SYNE1: variants seen among roughly 807,000 people sequenced by gnomAD.
The protein encoded by SYNE1 is nesprin-1.
In SYNE1, 616 loss-of-function variants were observed where a neutral mutation model predicts 1,111.0. The ratio of observed to expected loss-of-function variants is 0.55; its 90% CI spans 0.52 to 0.59. The LOEUF (loss-of-function observed/expected upper bound fraction) is 0.59, where lower values mean the gene tolerates loss of function less well. Ranked by LOEUF, SYNE1 falls within the 20% of genes least tolerant of loss-of-function variation. SYNE1 has a pLI of 0.00. For missense variants in SYNE1, 10,006 were observed against 10,417.0 expected (o/e 0.96, Z 1.72); for synonymous variants, 3,855 against 3,825.8 (o/e 1.01, Z -0.28).
chr6:152,174,120 A>G (rs556411804), intron 130 of SYNE1, among the ~76,000 whole-genome samples: 2 of 152,320 alleles, frequency 1.3e-5, no homozygotes, highest in South Asian at 2.1e-4. Context: ...CTGAGTCACT[A>G]AAAGTAGGAA....
At chr6:152,251,231 G>C (rs922581080) in intron 104 of SYNE1, among the ~76,000 whole-genome samples, 5 of 151,906 alleles carry the variant, frequency 3.3e-5, no homozygotes. Flanking sequence ...GATTACAGGC[G>C]TGAGCCACCG....
At position 152,331,441 on chromosome 6, in the gene SYNE1, A is replaced by G. The variant is rs745840496; in HGVS notation, c.13244T>C (p.Leu4415Pro). The change falls in exon 78 of 146, where the codon CTT becomes CCT. Residue 4415 changes from leucine to proline, a missense_variant. This residue lies in a region of SYNE1 where 4,955 missense variants were observed against 5,017.2 expected (regional missense o/e 0.99). Coordinates refer to ENST00000367255, the MANE Select transcript of SYNE1 (RefSeq NM_182961.4). Reference sequence around the variant, plus strand: ...GATGACCTGTCGCTCATTGAGACCAAGATCTGCCATGACCCTGTCTGCGTC... The same window carrying G: ...GATGACCTGTCGCTCATTGAGACCAGGATCTGCCATGACCCTGTCTGCGTC... The part of the protein sequence containing the change: ...IKDADRVMAD[L>P]GLNERQVIQK... 1.9e-6 allele frequency: 3 copies of G among 1,614,168 alleles called. No individual in the cohort carries two copies. The highest frequency in any genetic ancestry group is 4.5e-5 in the East Asian group (2 of 44,880).
intron 51 of SYNE1, among the ~76,000 whole-genome samples, chr6:152,393,948 GT>G (rs1221229880): frequency 6.6e-6 from 1 of 152,116 alleles, no homozygotes; most frequent in Non-Finnish European, 1.5e-5. Context: ...TCTACATTAG[GT>G]ATTTCTCTTA....
chr6:152,572,819 AT>A (rs1280419509), intron 3 of SYNE1, among the ~76,000 whole-genome samples: 5 of 152,176 alleles, frequency 3.3e-5, no homozygotes, highest in African/African-American at 1.2e-4. Flanking sequence ...TGTGTGAATG[AT>A]GTGTGTTGAT....
At chr6:152,227,577 A>T (rs985359669) in intron 115 of SYNE1, among the ~76,000 whole-genome samples, 1 of 152,166 alleles carries the variant, frequency 6.6e-6, no homozygotes, top group Non-Finnish European at 1.5e-5. Context: ...TGTGTAGTAT[A>T]GGAAATATAA....
chr6:152,531,957 G>A (rs2099204588), intron 4 of SYNE1, among the ~76,000 whole-genome samples: 1 of 152,142 alleles, frequency 6.6e-6, no homozygotes, highest in Non-Finnish European at 1.5e-5. Context: ...GCTACTATGA[G>A]CGTGAGTGTA....
Position 152,600,250 on chromosome 6 carries a change from A to G in SYNE1, c.67+28015T>C, listed in dbSNP as rs79533109. Among the ~76,000 whole-genome samples, 1,340 of 152,320 alleles carry G rather than the reference A, an allele frequency of 8.8e-3. 18 individuals are homozygous for G. Among genetic ancestry groups the G allele is most frequent in the African/African-American group, 0.031 (1,276 of 41,558 alleles). On this transcript the variant is annotated intron_variant, in intron 3 of 145. Transcript: ENST00000367255. ...GGCGAGAGGCTAAGGAACAGTTGCC[A>G]TGACCCAGGTGAGAAGGAACTGAGA...
chr6:152,524,389 C>T (rs1405604494), intron 5 of SYNE1, among the ~76,000 whole-genome samples: 1 of 152,084 alleles, frequency 6.6e-6, no homozygotes, highest in East Asian at 1.9e-4. Context: ...TAGAATGACA[C>T]ATAAACTTCT....
At chr6:152,220,449 G>A (rs2079896009) in intron 119 of SYNE1, among the ~76,000 whole-genome samples, 1 of 152,160 alleles carries the variant, frequency 6.6e-6, no homozygotes, top group South Asian at 2.1e-4. Context: ...AAACTATTGT[G>A]TAGATGCTTA....
At chr6:152,235,788 C>A (rs975490970) in intron 110 of SYNE1, among the ~76,000 whole-genome samples, 2 of 152,194 alleles carry the variant, frequency 1.3e-5, no homozygotes, top group Non-Finnish European at 2.9e-5. Context: ...ATTGCCCAGG[C>A]TGGAGTACAG....
intron 60 of SYNE1, 25 bp from the exon 61 acceptor site, chr6:152,369,152 T>C: frequency 3.7e-6 from 6 of 1,610,560 alleles, no homozygotes; most frequent in Non-Finnish European, 5.1e-6. Flanking sequence ...CAAGTTACTA[T>C]TCAGAGGCTG....
intron 55 of SYNE1, among the ~76,000 whole-genome samples, chr6:152,385,056 A>G (rs1232845209): frequency 1.3e-5 from 2 of 152,090 alleles, no homozygotes; most frequent in African/African-American, 4.8e-5. Context: ...ACCACTGAGG[A>G]TTTCATTGCT....
At chr6:152,144,164 T>C (rs2152836079) in intron 137 of SYNE1, 1 of 309,010 alleles carries the variant, frequency 3.2e-6, no homozygotes, top group African/African-American at 2.2e-5. Context: ...CTTTCTGCTA[T>C]CGCTTAGTGA....
chr6:152,462,500 T>C (rs898662512), intron 20 of SYNE1: 4 of 595,064 alleles, frequency 6.7e-6, no homozygotes, highest in African/African-American at 5.6e-5. Flanking sequence ...TTTAACTTGG[T>C]TGTAGAAAAA....
At chr6:152,141,456 G>T in intron 138 of SYNE1, 127 bp from the exon 139 acceptor site, 1 of 1,325,438 alleles carries the variant, frequency 7.5e-7, no homozygotes, top group Non-Finnish European at 1.1e-6. Flanking sequence ...GTGCCACCCT[G>T]CTAAAAATAA....
chr6:152,361,611 G>A (rs1381702733), intron 64 of SYNE1, among the ~76,000 whole-genome samples: 1 of 152,154 alleles, frequency 6.6e-6, no homozygotes, highest in African/African-American at 2.4e-5. Context: ...AAGATCACAA[G>A]TGCTGTTTAG....
intron 40 of SYNE1, among the ~76,000 whole-genome samples, chr6:152,419,054 T>C (rs2098213364): frequency 1.3e-5 from 2 of 152,236 alleles, no homozygotes; most frequent in Non-Finnish European, 2.9e-5. Flanking sequence ...TTGCCATTTC[T>C]CCTGTTAATT....
At chr6:152,494,665 C>A (rs1446428730) in intron 11 of SYNE1, among the ~76,000 whole-genome samples, 1 of 152,168 alleles carries the variant, frequency 6.6e-6, no homozygotes, top group African/African-American at 2.4e-5. Flanking sequence ...CCTTCCATAT[C>A]CTGCACCACC....
At chr6:152,608,739 T>C (rs997068602) in intron 3 of SYNE1, among the ~76,000 whole-genome samples, 1 of 152,084 alleles carries the variant, frequency 6.6e-6, no homozygotes, top group Non-Finnish European at 1.5e-5. Context: ...ATGGAGACCA[T>C]CCTGGCCACC....
Sources: gnomAD v4.1 joint callset for allele counts (sites outside exome capture counted in the v4.1 genomes callset) on GRCh38, gnomAD v4.1.1 for gene constraint, gnomAD v4.1.1 regional missense constraint, MANE v1.5 for transcripts, NCBI Gene and HGNC (gene_info 2026-07-23, HGNC 2026-07-21) for gene names.